AK5: variants seen among roughly 807,000 people sequenced by gnomAD.
The protein encoded by AK5 is adenylate kinase 5.
In AK5, 27 loss-of-function variants were observed where a neutral mutation model predicts 69.5. The observed-to-expected ratio is 0.39, with a 90% confidence interval of 0.29 to 0.54. The LOEUF (loss-of-function observed/expected upper bound fraction) is 0.54. Ranked by LOEUF, AK5 falls within the 20% of genes least tolerant of loss-of-function variation. The probability of loss-of-function intolerance (pLI) is 0.71; values close to 1 mark genes in which losing one functional copy is unlikely to be tolerated. For missense variants in AK5, 531 were observed against 700.4 expected, an observed-to-expected ratio of 0.76 and a Z score of 2.73; for synonymous variants, 260 against 244.4, an observed-to-expected ratio of 1.06 and a Z score of -0.60.
intron 6 of AK5, among the ~76,000 whole-genome samples, chr1:77,409,403 T>G (rs1649883522): frequency 2.0e-5 from 3 of 152,204 alleles, no homozygotes; most frequent in Admixed American, 2.0e-4. Flanking sequence ...CCATCTGTTA[T>G]TTTTTCACTT....
At chr1:77,393,217 A>G (rs953868085) in intron 6 of AK5, among the ~76,000 whole-genome samples, 1 of 152,182 alleles carries the variant, frequency 6.6e-6, no homozygotes, top group African/African-American at 2.4e-5. Flanking sequence ...AACTATAGTT[A>G]TTACTACTTC....
intron 6 of AK5, among the ~76,000 whole-genome samples, chr1:77,355,854 T>A (rs759945475): frequency 9.0e-5 from 13 of 143,876 alleles, no homozygotes; most frequent in Non-Finnish European, 1.8e-4. Flanking sequence ...AATTTTTTGA[T>A]GACCCTCATT....
chr1:77,284,408 C>T (rs942784504), intron 1 of AK5, among the ~76,000 whole-genome samples: 2 of 152,162 alleles, frequency 1.3e-5, no homozygotes, highest in Admixed American at 6.5e-5. Flanking sequence ...GGATTTTAGA[C>T]GCTATTACAG....
chr1:77,379,563 G>A (rs1647479947), intron 6 of AK5, among the ~76,000 whole-genome samples: 1 of 152,178 alleles, frequency 6.6e-6, no homozygotes, highest in Non-Finnish European at 1.5e-5. Context: ...GATACTGCAG[G>A]AAACGTAAGG....
intron 6 of AK5, among the ~76,000 whole-genome samples, chr1:77,357,696 C>T (rs1570433563): frequency 6.6e-6 from 1 of 152,170 alleles, no homozygotes; most frequent in African/African-American, 2.4e-5. Flanking sequence ...GTTCTGAGAG[C>T]TACTCATTAC....
intron 6 of AK5, among the ~76,000 whole-genome samples, chr1:77,409,353 G>A (rs923245941): frequency 4.6e-5 from 7 of 152,024 alleles, no homozygotes. Flanking sequence ...TTTCCACAAT[G>A]GTCAAACTAA....
intron 5 of AK5, among the ~76,000 whole-genome samples, chr1:77,325,161 G>GTT (rs369801549): frequency 0.046 from 5,668 of 123,076 alleles, 146 homozygotes; most frequent in South Asian, 0.1. Flanking sequence ...TAGGTTTTTT[G>GTT]TTTTTTTTTT....
intron 6 of AK5, among the ~76,000 whole-genome samples, chr1:77,345,747 C>T (rs1014297725): frequency 1.3e-5 from 2 of 152,116 alleles, no homozygotes; most frequent in Non-Finnish European, 2.9e-5. Flanking sequence ...TTCATTTGCC[C>T]CATATCACTT....
intron 6 of AK5, among the ~76,000 whole-genome samples, chr1:77,350,116 C>A (rs1318710700): frequency 6.6e-6 from 1 of 152,204 alleles, no homozygotes; most frequent in African/African-American, 2.4e-5. Flanking sequence ...CAGATCCTGT[C>A]TTCAGGGAGT....
chr1:77,333,633 T>G (rs1302895608), intron 5 of AK5, among the ~76,000 whole-genome samples: 1 of 151,952 alleles, frequency 6.6e-6, no homozygotes, highest in Admixed American at 6.6e-5. Flanking sequence ...ATGGCCCATG[T>G]GCCAAGTCCT....
intron 6 of AK5, among the ~76,000 whole-genome samples, chr1:77,367,550 G>GTT (rs1557532345): frequency 0.26 from 2,025 of 7,692 alleles, 224 homozygotes; most frequent in Middle Eastern, 0.5. Flanking sequence ...ACTCATTTAT[G>GTT]TTATTTTTAT....
At chr1:77,310,951 A>G (rs1227448715) in intron 5 of AK5, among the ~76,000 whole-genome samples, 1 of 152,060 alleles carries the variant, frequency 6.6e-6, no homozygotes, top group Non-Finnish European at 1.5e-5. Context: ...TTTTGTTCCT[A>G]AATATAATCG....
At chr1:77,474,549 T>A (rs1021871994) in intron 8 of AK5, among the ~76,000 whole-genome samples, 1 of 152,180 alleles carries the variant, frequency 6.6e-6, no homozygotes, top group African/African-American at 2.4e-5. Context: ...ATGACAGTGA[T>A]GATCAAGAAG....
chr1:77,447,584 A>G (rs1360333045), intron 8 of AK5, among the ~76,000 whole-genome samples: 1 of 152,270 alleles, frequency 6.6e-6, no homozygotes, highest in Non-Finnish European at 1.5e-5. Context: ...CTTGTCAGAC[A>G]GGTATTATAA....
At chr1:77,354,442 G>A (rs12030598) in intron 6 of AK5, among the ~76,000 whole-genome samples, 20,892 of 152,204 alleles carry the variant, frequency 0.14, 1,748 homozygotes, top group East Asian at 0.18. Context: ...AGGGAAGCTT[G>A]AATGTGTGTA....
chr1:77,308,182 A>G (rs2100282477), intron 5 of AK5, among the ~76,000 whole-genome samples: 1 of 152,288 alleles, frequency 6.6e-6, no homozygotes, highest in East Asian at 1.9e-4. Flanking sequence ...ATAGACAACT[A>G]GGAGTCTACC....
chr1:77,444,309 ACACAATATATGT>A (rs1652559478), intron 8 of AK5, among the ~76,000 whole-genome samples: 3 of 77,924 alleles, frequency 3.8e-5, no homozygotes, highest in East Asian at 6.1e-4. Context: ...TAGTATATAT[ACACAATATATGT>A]GTATATATAT....
At chr1:77,441,997 A>T (rs1652359410) in intron 8 of AK5, among the ~76,000 whole-genome samples, 1 of 152,182 alleles carries the variant, frequency 6.6e-6, no homozygotes, top group Non-Finnish European at 1.5e-5. Flanking sequence ...GAGGCAGGGC[A>T]CAGCCCTGGC....
At chr1:77,519,422 A>G (rs374339398) in intron 11 of AK5, among the ~76,000 whole-genome samples, 12 of 152,150 alleles carry the variant, frequency 7.9e-5, no homozygotes, top group Admixed American at 1.3e-4. Context: ...GGCCTCCTGG[A>G]GCCCACTCTT....
Sources: gnomAD v4.1 joint callset for allele counts (sites outside exome capture counted in the v4.1 genomes callset) on GRCh38, gnomAD v4.1.1 for gene constraint, MANE v1.5 for transcripts, NCBI Gene and HGNC (gene_info 2026-07-23, HGNC 2026-07-21) for gene names.